ZRANB3: variants seen among roughly 807,000 people sequenced by gnomAD.
ZRANB3 encodes the protein DNA annealing helicase and endonuclease ZRANB3.
Under a neutral mutation model 133.8 loss-of-function variants are expected in ZRANB3, and 125 were observed. The observed-to-expected ratio is 0.93, with a 90% CI of 0.81 to 1.08. The LOEUF (loss-of-function observed/expected upper bound fraction) is 1.08, where lower values mean the gene tolerates loss of function less well. ZRANB3 is among the 50% of genes least tolerant of loss of function. ZRANB3 has a pLI of 0.00. For synonymous variants in ZRANB3, 387 were observed against 432.7 expected, an observed-to-expected ratio of 0.89 and a Z score of 1.31; for missense variants, 1,229 against 1,275.5, an observed-to-expected ratio of 0.96 and a Z score of 0.56.
intron 2 of ZRANB3, among the ~76,000 whole-genome samples, chr2:135,394,777 A>C (rs187498578): frequency 6.6e-6 from 1 of 152,142 alleles, no homozygotes; most frequent in South Asian, 2.1e-4. Context: ...AAGTCAAGAG[A>C]GGGGAAGAAT....
chr2:135,402,623 G>C (rs1687788863), intron 2 of ZRANB3, among the ~76,000 whole-genome samples: 1 of 150,928 alleles, frequency 6.6e-6, no homozygotes, highest in Non-Finnish European at 1.5e-5. Context: ...TTTCGCTCTT[G>C]TCACCCAGGC....
chr2:135,333,394 A>G (rs1329013384), intron 6 of ZRANB3, among the ~76,000 whole-genome samples: 1 of 152,246 alleles, frequency 6.6e-6, no homozygotes, highest in Non-Finnish European at 1.5e-5. Context: ...GTTTATGCTT[A>G]TATTACAATC....
At chr2:135,290,966 G>A (rs1353242783) in intron 8 of ZRANB3, among the ~76,000 whole-genome samples, 1 of 152,132 alleles carries the variant, frequency 6.6e-6, no homozygotes, top group Non-Finnish European at 1.5e-5. Flanking sequence ...GCAGTGGTAT[G>A]TTCTTGGCTC....
intron 2 of ZRANB3, among the ~76,000 whole-genome samples, chr2:135,487,915 C>T (rs944833975): frequency 2.6e-5 from 4 of 152,220 alleles, no homozygotes; most frequent in African/African-American, 4.8e-5. Context: ...CAATCCACAA[C>T]TTGGGCTAAC....
intron 2 of ZRANB3, among the ~76,000 whole-genome samples, chr2:135,424,691 C>A (rs1429636215): frequency 6.6e-6 from 1 of 152,196 alleles, no homozygotes; most frequent in Non-Finnish European, 1.5e-5. Flanking sequence ...CAGTATTGTG[C>A]CACTGCACTC....
chr2:135,482,768 CTTA>C (rs1691887574), intron 2 of ZRANB3, among the ~76,000 whole-genome samples: 1 of 152,110 alleles, frequency 6.6e-6, no homozygotes. Flanking sequence ...ATAGATAGCT[CTTA>C]TTATTTTGAA....
chr2:135,517,167 T>G (rs1244262087), intron 1 of ZRANB3, among the ~76,000 whole-genome samples: 1 of 152,044 alleles, frequency 6.6e-6, no homozygotes, highest in Non-Finnish European at 1.5e-5. Context: ...TAGTTAGCAA[T>G]TCCTCTAACC....
intron 2 of ZRANB3, among the ~76,000 whole-genome samples, chr2:135,487,454 T>C (rs79012178): frequency 6.6e-6 from 1 of 152,236 alleles, no homozygotes; most frequent in African/African-American, 2.4e-5. Flanking sequence ...GACTTCTCTC[T>C]AATTATGAAA....
At chr2:135,334,899 A>G (rs1382139611) in intron 6 of ZRANB3, among the ~76,000 whole-genome samples, 1 of 152,134 alleles carries the variant, frequency 6.6e-6, no homozygotes, top group African/African-American at 2.4e-5. Context: ...CATCTCAAAA[A>G]TAAATATATT....
chr2:135,406,483 C>T (rs943445209), intron 2 of ZRANB3, among the ~76,000 whole-genome samples: 2 of 152,188 alleles, frequency 1.3e-5, no homozygotes, highest in Non-Finnish European at 2.9e-5. Flanking sequence ...AGGTCAGCAT[C>T]ATTCTGATAC....
At chr2:135,353,407 C>T (rs369415391) in intron 4 of ZRANB3, 43 bp downstream of exon 4, 25 of 1,417,796 alleles carry the variant, frequency 1.8e-5, no homozygotes, top group Non-Finnish European at 2.3e-5. Flanking sequence ...CAGGTACACA[C>T]AAGGAAGACT....
intron 1 of ZRANB3, among the ~76,000 whole-genome samples, chr2:135,519,828 C>T (rs183450053): frequency 1.3e-5 from 2 of 152,226 alleles, no homozygotes; most frequent in African/African-American, 4.8e-5. Context: ...GGAGCATACA[C>T]ACGGGACTAA....
intron 2 of ZRANB3, among the ~76,000 whole-genome samples, chr2:135,489,859 G>C (rs551508177): frequency 3.3e-5 from 5 of 152,110 alleles, no homozygotes; most frequent in African/African-American, 1.2e-4. Context: ...ACAAATATAA[G>C]CATATTTGAT....
intron 2 of ZRANB3, among the ~76,000 whole-genome samples, chr2:135,435,851 A>G (rs1395105940): frequency 1.3e-5 from 2 of 152,004 alleles, no homozygotes; most frequent in African/African-American, 4.8e-5. Flanking sequence ...TCTCTTGTGA[A>G]TTTTTTTAAA....
At chr2:135,418,925 C>CTTTTTTTTTTTTTTTTTTT (rs769271961) in intron 2 of ZRANB3, among the ~76,000 whole-genome samples, 14 of 85,900 alleles carry the variant, frequency 1.6e-4, no homozygotes, top group African/African-American at 3.6e-4. Flanking sequence ...AGGATTCTCT[C>CTTTTTTTTTTTTTTTTTTT]TTTTTTTTTT....
intron 2 of ZRANB3, among the ~76,000 whole-genome samples, chr2:135,441,966 T>C (rs1689799283): frequency 6.6e-6 from 1 of 152,134 alleles, no homozygotes; most frequent in Non-Finnish European, 1.5e-5. Context: ...ATGAGGGACA[T>C]TCAACAATGA....
At chr2:135,233,943 G>A (rs1218439937) in intron 12 of ZRANB3, among the ~76,000 whole-genome samples, 10 of 152,064 alleles carry the variant, frequency 6.6e-5, no homozygotes, top group African/African-American at 2.2e-4. Context: ...ACACATAACA[G>A]TAATAACCTT....
At chr2:135,476,015 T>G (rs1691484080) in intron 2 of ZRANB3, among the ~76,000 whole-genome samples, 1 of 151,912 alleles carries the variant, frequency 6.6e-6, no homozygotes, top group South Asian at 2.1e-4. Context: ...GAGGCGGAGG[T>G]TGCAGTGAGC....
rs548070677 is a variant in ZRANB3, at chr2:135,370,033, CTTTTT to C, written c.181-16410_181-16406del. On this transcript the variant is annotated intron_variant, in intron 3 of 20. Coordinates refer to ENST00000264159, the MANE Select transcript of ZRANB3 (RefSeq NM_032143.4). ...ACTTGATTAGAGGGAGGGCATGTTT[CTTTTT>C]TTTTTTTTTTTTTTAATATCCTCGA... 1.1e-3 allele frequency among the ~76,000 whole-genome samples: 132 copies of C among 119,364 alleles called. 1 individual carries two copies. The highest frequency in any genetic ancestry group is 3.2e-3 in the African/African-American group (117 of 36,702). The allele number at this position is 119,364 out of a possible 152,430, so 78.3% of individuals were successfully genotyped here.
Sources: gnomAD v4.1 joint callset for allele counts (sites outside exome capture counted in the v4.1 genomes callset) on GRCh38, gnomAD v4.1.1 for gene constraint, MANE v1.5 for transcripts, NCBI Gene and HGNC (gene_info 2026-07-23, HGNC 2026-07-21) for gene names.